SPIDR: variants seen among roughly 807,000 people sequenced by gnomAD.
SPIDR encodes scaffold protein involved in DNA repair.
In SPIDR, 93 loss-of-function variants were observed where a neutral mutation model predicts 104.6. That is an observed-to-expected ratio of 0.89 (90% CI 0.75 to 1.06). The LOEUF (loss-of-function observed/expected upper bound fraction) is 1.06, where lower values mean the gene tolerates loss of function less well. Among genes scored for constraint, SPIDR ranks in the 50% least tolerant of loss-of-function variants. The probability of loss-of-function intolerance (pLI) is 0.00; values close to 1 mark genes in which losing one functional copy is unlikely to be tolerated. For synonymous variants in SPIDR, 431 were observed against 416.9 expected (o/e 1.03, Z -0.41); for missense variants, 1,154 against 1,111.2 (o/e 1.04, Z -0.55).
chr8:47,577,030 A>G (rs1429070895), intron 8 of SPIDR, among the ~76,000 whole-genome samples: 2 of 152,240 alleles, frequency 1.3e-5, no homozygotes, highest in Non-Finnish European at 2.9e-5. Context: ...TATTGTTGGC[A>G]TGACTTATTG....
intron 8 of SPIDR, among the ~76,000 whole-genome samples, chr8:47,472,098 G>GTCT (rs1448514271): frequency 6.6e-6 from 1 of 152,188 alleles, no homozygotes; most frequent in African/African-American, 2.4e-5. Context: ...AACCCTCAGA[G>GTCT]TTTTTCTGTA....
intron 8 of SPIDR, among the ~76,000 whole-genome samples, chr8:47,584,664 T>C (rs1159182545): frequency 6.6e-6 from 1 of 152,228 alleles, no homozygotes; most frequent in African/African-American, 2.4e-5. Flanking sequence ...ACATACACTT[T>C]ACCTACTGCT....
chr8:47,327,469 A>G (rs919837273), intron 5 of SPIDR, among the ~76,000 whole-genome samples: 2 of 149,192 alleles, frequency 1.3e-5, no homozygotes, highest in African/African-American at 2.5e-5. Flanking sequence ...ATGGCTCACT[A>G]TAGCACTACA....
At chr8:47,709,601 C>A (rs1187591092) in intron 14 of SPIDR, among the ~76,000 whole-genome samples, 12 of 152,172 alleles carry the variant, frequency 7.9e-5, no homozygotes, top group Non-Finnish European at 1.3e-4. Context: ...TTTTAATAAA[C>A]TTTTAGCAAT....
rs1491137131 is a variant in SPIDR at position 47,565,993 on chromosome 8, T to TATATATATATATATATATATATATA, written c.1098-29818_1098-29817insATATATATATATATATATATATATA. ...ACTCATATATATATATATATATATA[T>TATATATATATATATATATATATATA]TTTTTTTTTTTTTTTTTTTTTTTTT... is the stretch of plus-strand genomic sequence containing the variant. On this transcript the variant is annotated intron_variant, in intron 8 of 19. Transcript: ENST00000297423. Among the ~76,000 whole-genome samples, 13 of 28,798 alleles carry TATATATATATATATATATATATATA rather than the reference T, an allele frequency of 4.5e-4. 1 individual carries two copies. The highest frequency in any genetic ancestry group is 2.0e-3 in the Admixed American group (3 of 1,524). The allele number at this position is 28,798 out of a possible 152,430, so 18.9% of individuals were successfully genotyped here.
chr8:47,644,537 T>C (rs1228551255), intron 10 of SPIDR, among the ~76,000 whole-genome samples: 1 of 152,218 alleles, frequency 6.6e-6, no homozygotes, highest in Non-Finnish European at 1.5e-5. Flanking sequence ...CAGAATAAAG[T>C]AAATAAGATC....
intron 8 of SPIDR, among the ~76,000 whole-genome samples, chr8:47,472,800 A>G (rs564625894): frequency 7.9e-5 from 12 of 152,356 alleles, no homozygotes; most frequent in Admixed American, 2.0e-4. Context: ...AGTTAGAGCA[A>G]TAAACTTATG....
intron 8 of SPIDR, among the ~76,000 whole-genome samples, chr8:47,544,860 A>G (rs769925906): frequency 1.3e-5 from 2 of 152,226 alleles, no homozygotes; most frequent in East Asian, 3.8e-4. Context: ...ATCTTCTGGA[A>G]CTTCAGTAGG....
chr8:47,475,198 C>T (rs782662641), intron 8 of SPIDR, among the ~76,000 whole-genome samples: 10 of 152,306 alleles, frequency 6.6e-5, no homozygotes, highest in Admixed American at 2.6e-4. Flanking sequence ...TAGCTGAGTT[C>T]GTATACCTGC....
intron 5 of SPIDR, among the ~76,000 whole-genome samples, chr8:47,351,741 C>T (rs936835587): frequency 6.6e-6 from 1 of 152,066 alleles, no homozygotes; most frequent in Admixed American, 6.6e-5. Flanking sequence ...TGAAGTGATA[C>T]GTAGGCATTG....
At chr8:47,347,023 C>G (rs1326245036) in intron 5 of SPIDR, among the ~76,000 whole-genome samples, 2 of 152,100 alleles carry the variant, frequency 1.3e-5, no homozygotes, top group Admixed American at 6.6e-5. Flanking sequence ...TCTTGCTGCT[C>G]TAGTTCTGTT....
chr8:47,265,002 C>G (rs1030490966), intron 1 of SPIDR, among the ~76,000 whole-genome samples: 1 of 152,096 alleles, frequency 6.6e-6, no homozygotes, highest in African/African-American at 2.4e-5. Context: ...TGTCTTTCAG[C>G]TTCTTGAACA....
In SPIDR at chr8:47,291,126, A is replaced by G. The variant is rs1195586442; in HGVS notation, c.350A>G (p.Gln117Arg). The G allele has an allele frequency of 3.7e-6, 6 of 1,611,222 alleles. No individual in the cohort carries two copies. In the East Asian group the frequency reaches 6.7e-5, roughly 18 times the overall value. ...DLSDEDKTLSQLQRDELQFID... is the reference protein window; with the variant it reads ...DLSDEDKTLSRLQRDELQFID... ...TCGGATGAAGATAAGACACTTTCTC[A>G]GTTACAGAGAGGTAATGGACATTGC... Residue 117 changes from glutamine to arginine, a missense_variant, in exon 4 of 20, where the codon CAG becomes CGG. By Grantham distance (43) the Gln-to-Arg change is conservative (BLOSUM62 1). Coordinates refer to ENST00000297423, the MANE Select transcript of SPIDR (RefSeq NM_001080394.4).
chr8:47,261,036 G>A, intron 1 of SPIDR, 45 bp downstream of exon 1: 1 of 1,225,702 alleles, frequency 8.2e-7, no homozygotes. Flanking sequence ...TTCCCGCGTT[G>A]CGGGGAAGCG....
chr8:47,496,988 G>A (rs542150935), intron 8 of SPIDR, among the ~76,000 whole-genome samples: 6 of 151,926 alleles, frequency 3.9e-5, no homozygotes, highest in South Asian at 4.1e-4. Context: ...GTTGGCTTAC[G>A]GTTGCTCAGT....
At chr8:47,261,262 G>C (rs916897985) in intron 1 of SPIDR, among the ~76,000 whole-genome samples, 7 of 152,238 alleles carry the variant, frequency 4.6e-5, no homozygotes, top group African/African-American at 1.7e-4. Context: ...GACGCAGCGG[G>C]CGGGAGCATA....
intron 8 of SPIDR, among the ~76,000 whole-genome samples, chr8:47,574,305 G>A (rs2058836157): frequency 6.6e-6 from 1 of 152,140 alleles, no homozygotes; most frequent in African/African-American, 2.4e-5. Context: ...ATATTTTGTG[G>A]ATTTTAGAAA....
intron 8 of SPIDR, among the ~76,000 whole-genome samples, chr8:47,525,285 C>T (rs1019776748): frequency 5.3e-5 from 8 of 152,182 alleles, no homozygotes; most frequent in African/African-American, 1.9e-4. Flanking sequence ...TGCTTGCTGC[C>T]TTGTCGTCAC....
At chr8:47,594,196 CAAAAAAAAAA>C (rs372928071) in intron 8 of SPIDR, among the ~76,000 whole-genome samples, 4 of 53,578 alleles carry the variant, frequency 7.5e-5, no homozygotes, top group African/African-American at 3.1e-4. Flanking sequence ...CCAGTCTCTA[CAAAAAAAAAA>C]AAAAAAAAAA....
Sources: allele counts gnomAD v4.1 joint callset (sites outside exome capture counted in the v4.1 genomes callset), GRCh38; gene constraint gnomAD v4.1.1; transcripts MANE v1.5; gene names NCBI Gene and HGNC (gene_info 2026-07-23, HGNC 2026-07-21).